Variants in NTSR2 observed in about 807,000 individuals in gnomAD.
NTSR2 encodes neurotensin receptor 2, also known as neurotensin receptor type 2.
In NTSR2, 22 loss-of-function variants were observed where a neutral mutation model predicts 24.1. The observed-to-expected ratio is 0.91, with a 90% CI of 0.65 to 1.30. NTSR2 has a LOEUF of 1.30. Among genes scored for constraint, NTSR2 ranks in the 50% most tolerant of loss-of-function variants. The pLI is 0.00. For synonymous variants in NTSR2, 291 were observed against 267.0 expected, an observed-to-expected ratio of 1.09 and a Z score of -0.88; for missense variants, 570 against 570.4, an observed-to-expected ratio of 1.00 and a Z score of 0.01.
chr2:11,666,423 G>T (rs949405498), intron 1 of NTSR2, among the ~76,000 whole-genome samples: 6 of 152,284 alleles, frequency 3.9e-5, no homozygotes, highest in Admixed American at 3.3e-4. Context: ...AATCTAGGCC[G>T]GGCGTGGTGG....
chr2:11,669,459 C>CGGGGGCGGGGGGGG, intron 1 of NTSR2, 47 bp downstream of exon 1: 2 of 337,896 alleles, frequency 5.9e-6, no homozygotes, highest in Non-Finnish European at 1.1e-5. Flanking sequence ...CTCCCAGCAC[C>CGGGGGCGGGGGGGG]GCCCCCCCAC....
At position 11,669,935 on chromosome 2, in the gene NTSR2, C is replaced by G. The variant is rs767778874; in HGVS notation, c.195G>C (p.Ala65=). 8.2e-5 allele frequency: 125 copies of G among 1,523,014 alleles called. No homozygotes were observed. Among genetic ancestry groups the G allele is most frequent in the Non-Finnish European group, 1.0e-4 (117 of 1,141,816 alleles). 94.3% of individuals were successfully genotyped at this position (1,523,014 alleles called of 1,614,324 possible). A position where few individuals can be genotyped will look rare whatever the true frequency, so the allele number is the denominator to read the frequency against. ...HVVLKARAGR[A]GRLRHHVLSL... is the part of the protein sequence containing the mutation. ...TGAGCACGTGGTGGCGCAGGCGCCC[C>G]GCGCGCCCGGCCCGCGCCTTCAGCA... The change falls in exon 1 of 4, where the codon GCG becomes GCC. Residue 65 remains alanine (A), a synonymous_variant. Coordinates refer to ENST00000306928, the MANE Select transcript of NTSR2 (RefSeq NM_012344.4).
chr2:11,669,460 G>GGGGGGGGGGGGGGGGGGGCCCCCCCCC, intron 1 of NTSR2, 46 bp downstream of exon 1: 3 of 254,726 alleles, frequency 1.2e-5, no homozygotes, highest in Non-Finnish European at 6.9e-6. Context: ...TCCCAGCACC[G>GGGGGGGGGGGGGGGGGGGCCCCCCCCC]CCCCCCCACC....
Position 11,669,898 on chromosome 2 carries a change from C to T in NTSR2, c.232G>A (p.Ala78Thr). ...CCGACCAGCAGCAGCAGCAGGCCCG[C>T]GAGCGCCAGGCTGAGCACGTGGTGG... ...LRHHVLSLAL[A>T]GLLLLLVGVP... Residue 78 changes from alanine (A) to threonine (T), a missense_variant, in exon 1 of 4, where the codon GCG becomes ACG. Transcript: ENST00000306928. 3 of 1,572,682 alleles carry T rather than the reference C, an allele frequency of 1.9e-6. No individual in the cohort carries two copies. The highest frequency in any genetic ancestry group is 2.6e-6 in the Non-Finnish European group (3 of 1,165,782).
intron 2 of NTSR2, among the ~76,000 whole-genome samples, chr2:11,661,246 G>T (rs1352463703): frequency 6.6e-6 from 1 of 152,214 alleles, no homozygotes; most frequent in Non-Finnish European, 1.5e-5. Context: ...GGTCTCAAAA[G>T]CAAATCTCCC....
At position 11,669,744 on chromosome 2, in the gene NTSR2, A is replaced by G; in HGVS notation, c.386T>C (p.Leu129Pro). The G allele has an allele frequency of 6.5e-7, 1 of 1,534,948 alleles. No homozygotes were observed. Among genetic ancestry groups the G allele is most frequent in the Non-Finnish European group, 8.7e-7 (1 of 1,146,612 alleles). ...CACGGCTAGGCAGCGCTCGGCGCTC[A>G]GGCCTGCCACGCTCAGCACCGTGGC... ...AYATVLSVAG[L>P]SAERCLAVCQ... Residue 129 changes from leucine to proline, a missense_variant, in exon 1 of 4, where the codon CTG becomes CCG. By Grantham distance (98) the Leu-to-Pro change is moderately conservative. Coordinates refer to ENST00000306928, the MANE Select transcript of NTSR2 (RefSeq NM_012344.4).
At position 11,664,192 on chromosome 2, in the gene NTSR2, CT is replaced by C. The variant is rs575497540; in HGVS notation, c.625-1953del. On this transcript the variant is annotated intron_variant, in intron 1 of 3. Coordinates refer to ENST00000306928, the MANE Select transcript of NTSR2 (RefSeq NM_012344.4). ...AGTGCGGTAGTGCAATCACAACTTA[CT>C]GCAACCTCTGCCTCCTGGGCTCAAG... Among the ~76,000 whole-genome samples, 6 of 148,306 alleles carry C rather than the reference CT, an allele frequency of 4.0e-5. No homozygotes were observed. In the East Asian group the frequency reaches 1.2e-3, roughly 30 times the overall value.
At chr2:11,661,939 T>G in intron 2 of NTSR2, 28 bp downstream of exon 2, 4 of 1,521,140 alleles carry the variant, frequency 2.6e-6, no homozygotes, top group Non-Finnish European at 3.5e-6. Flanking sequence ...GCCCCTTTCT[T>G]CTGGGGTGAT....
chr2:11,661,324 T>C (rs1275342834), intron 2 of NTSR2, among the ~76,000 whole-genome samples: 1 of 152,280 alleles, frequency 6.6e-6, no homozygotes, highest in Admixed American at 6.5e-5. Context: ...GACACCTTCA[T>C]GTGCTGACTT....
At position 11,658,182 on chromosome 2, in the gene NTSR2, G is replaced by A; in HGVS notation, c.*297C>T. 3.6e-6 allele frequency: 1 copy of A among 279,498 alleles called. No homozygotes were observed. 17.3% of individuals were successfully genotyped at this position (279,498 alleles called of 1,614,324 possible). A position where few individuals can be genotyped will look rare whatever the true frequency, so the allele number is the denominator to read the frequency against. On this transcript the variant is annotated 3_prime_UTR_variant, in exon 4 of 4. Coordinates refer to ENST00000306928, the MANE Select transcript of NTSR2 (RefSeq NM_012344.4). The stretch of plus-strand genomic sequence containing the variant: ...CAACAACAGTAACAACAGAAATCGT[G>A]CCAGCAAAAATTTATTGAGCATCTA...
intron 1 of NTSR2, among the ~76,000 whole-genome samples, chr2:11,663,017 G>T (rs1045825622): frequency 9.9e-5 from 15 of 152,182 alleles, no homozygotes; most frequent in African/African-American, 3.4e-4. Context: ...AAAAGCAATG[G>T]TGGAAGCTAG....
In NTSR2 at chr2:11,658,440, C is replaced by A; in HGVS notation, c.*39G>T. On this transcript the variant is annotated 3_prime_UTR_variant, in exon 4 of 4. Coordinates refer to ENST00000306928, the MANE Select transcript of NTSR2 (RefSeq NM_012344.4). ...CCTGCTTTGCCAGGTGACTAAGCAG[C>A]TGGTCATTTTGCTTGTTCTGTTCAT... 1 of 1,540,138 alleles carries A rather than the reference C, an allele frequency of 6.5e-7. No homozygotes were observed. Among genetic ancestry groups the A allele is most frequent in the Non-Finnish European group, 8.7e-7 (1 of 1,144,450 alleles).
At chr2:11,664,215 C>T (rs189073835) in intron 1 of NTSR2, among the ~76,000 whole-genome samples, 289 of 151,482 alleles carry the variant, frequency 1.9e-3, no homozygotes, top group African/African-American at 6.6e-3. Context: ...CTCCTGGGCT[C>T]AAGTGATCCT....
chr2:11,669,460 G>GGGGGGGGGGGGGGGCCCCCCCCCC, intron 1 of NTSR2, 46 bp downstream of exon 1: 12 of 254,700 alleles, frequency 4.7e-5, no homozygotes, highest in Admixed American at 6.7e-5. Context: ...TCCCAGCACC[G>GGGGGGGGGGGGGGGCCCCCCCCCC]CCCCCCCACC....
chr2:11,663,129 A>G (rs1402123596), intron 1 of NTSR2, among the ~76,000 whole-genome samples: 2 of 152,212 alleles, frequency 1.3e-5, no homozygotes, highest in Non-Finnish European at 2.9e-5. Flanking sequence ...AAAGAAAACA[A>G]TTTTTGACAT....
chr2:11,662,678 G>A (rs1661103972), intron 1 of NTSR2, among the ~76,000 whole-genome samples: 1 of 152,198 alleles, frequency 6.6e-6, no homozygotes, highest in South Asian at 2.1e-4. Flanking sequence ...CTACTCGGGA[G>A]GCTGAGCCAG....
chr2:11,658,292 G>A lies in NTSR2; in HGVS notation c.*187C>T, dbSNP rs537064989. 9.8e-5 allele frequency: 64 copies of A among 650,514 alleles called. No homozygotes were observed. Among genetic ancestry groups the A allele is most frequent in the African/African-American group, 7.9e-4 (44 of 55,376 alleles). The allele number at this position is 650,514 out of a possible 1,614,324, so 40.3% of individuals were successfully genotyped here. ...TGTTCTTTATCTCCACTACACAGACGAGGGAGCCTGAGGCTAGGAGGGGTC... is the reference window on the plus strand; with the variant it reads ...TGTTCTTTATCTCCACTACACAGACAAGGGAGCCTGAGGCTAGGAGGGGTC... On this transcript the variant is annotated 3_prime_UTR_variant, in exon 4 of 4. Transcript: ENST00000306928.
intron 1 of NTSR2, among the ~76,000 whole-genome samples, chr2:11,663,093 G>A (rs1011642425): frequency 3.3e-5 from 5 of 152,206 alleles, no homozygotes; most frequent in East Asian, 1.9e-4. Flanking sequence ...TTTATACCCA[G>A]CCATATTATG....
rs751316424 is a variant in NTSR2, at chr2:11,662,114, GGGT to G, written c.748_750del (p.Thr250del). 5.1e-5 allele frequency: 82 copies of G among 1,612,934 alleles called. No individual in the cohort carries two copies. The Middle Eastern group carries it at 1.5e-3, about 29-fold the overall frequency. ...TCACTCAGCAGCTCCAGGCGGCTGG[GGGT>G]GGAGCTGCCCGGGGTAGAAGTGGAC... is the stretch of plus-strand genomic sequence containing the variant. On this transcript the variant is annotated inframe_deletion, in exon 2 of 4. Transcript: ENST00000306928.
Sources: allele counts gnomAD v4.1 joint callset (sites outside exome capture counted in the v4.1 genomes callset), GRCh38; gene constraint gnomAD v4.1.1; transcripts MANE v1.5; gene names NCBI Gene and HGNC (gene_info 2026-07-23, HGNC 2026-07-21).